Variants in RORC observed in about 807,000 individuals in gnomAD.
The protein encoded by RORC is RAR related orphan receptor C.
RORC carries 13 observed loss-of-function variants against 64.5 expected under a neutral mutation model. The ratio of observed to expected loss-of-function variants is 0.20; its 90% CI spans 0.13 to 0.32. The LOEUF (loss-of-function observed/expected upper bound fraction) is 0.32. Among genes scored for constraint, RORC ranks in the 10% least tolerant of loss-of-function variants. RORC has a pLI of 1.00. For missense variants in RORC, 468 were observed against 669.5 expected, an observed-to-expected ratio of 0.70 and a Z score of 3.32; for synonymous variants, 277 against 259.3, an observed-to-expected ratio of 1.07 and a Z score of -0.65.
intron 4 of RORC, among the ~76,000 whole-genome samples, chr1:151,815,954 C>T (rs560646877): frequency 1.3e-5 from 2 of 152,350 alleles, no homozygotes; most frequent in South Asian, 2.1e-4. Context: ...TTTTTACTCC[C>T]CCCGCCACCC....
chr1:151,812,830 T>C, intron 9 of RORC, 117 bp downstream of exon 9: 1 of 652,172 alleles, frequency 1.5e-6, no homozygotes, highest in Admixed American at 2.8e-5. Context: ...TAGGGCTCAT[T>C]CTGCTATTTA....
At chr1:151,817,514 C>T (rs113229369) in intron 2 of RORC, among the ~76,000 whole-genome samples, 217 of 152,148 alleles carry the variant, frequency 1.4e-3, no homozygotes, top group Non-Finnish European at 1.9e-3. Context: ...GAGGGGTGGC[C>T]GGGAGTTGTA....
intron 1 of RORC, chr1:151,831,232 TC>T: frequency 1.4e-6 from 1 of 695,804 alleles, no homozygotes. Context: ...CCTGCCACAC[TC>T]CCCAAGTCTG....
chr1:151,815,127 T>C lies in RORC; in HGVS notation c.597A>G (p.Ser199=). The change falls in exon 5 of 11, where the codon TCA becomes TCG. Residue 199 remains serine (S), a synonymous_variant. Coordinates refer to ENST00000318247, the MANE Select transcript of RORC (RefSeq NM_005060.4). ...GCTCAGGGCTGTATTCAAGGTGGCA[T>C]GAGGCCCCATTGAGCCCTGCCTTGG... ...NLAKAGLNGA[S]CHLEYSPERG... 1 of 1,614,164 alleles carries C rather than the reference T, an allele frequency of 6.2e-7. No homozygotes were observed. Among genetic ancestry groups the C allele is most frequent in the East Asian group, 2.2e-5 (1 of 44,890 alleles).
chr1:151,818,624 T>C (rs1343859458), intron 2 of RORC, among the ~76,000 whole-genome samples: 1 of 152,214 alleles, frequency 6.6e-6, no homozygotes, highest in Non-Finnish European at 1.5e-5. Context: ...CATGGGTCTC[T>C]TTTCCACCAT....
chr1:151,830,621 T>TACACACACACACACACACACACACAC lies in RORC; in HGVS notation c.40+1078_40+1103dup, dbSNP rs1553293049. ...TGCTGTTCAGTCTTGACACCTGACA[T>TACACACACACACACACACACACACAC]ACACACACACACACACACACACACA... On this transcript the variant is annotated intron_variant, in intron 1 of 10. Transcript: ENST00000318247. The surrounding 1 kb of genome is among the most constrained non-coding windows in gnomAD (Gnocchi z 4.0). Among the ~76,000 whole-genome samples, 37 of 57,192 alleles carry TACACACACACACACACACACACACAC rather than the reference T, an allele frequency of 6.5e-4. 1 individual carries two copies. In the East Asian group the frequency reaches 6.8e-3, roughly 10 times the overall value. 37.5% of individuals were successfully genotyped at this position (57,192 alleles called of 152,430 possible).
In RORC at chr1:151,830,781, G is replaced by A. The variant is rs1296645064; in HGVS notation, c.40+944C>T. 7 of 409,370 alleles carry A rather than the reference G, an allele frequency of 1.7e-5. No homozygotes were observed. Among genetic ancestry groups the A allele is most frequent in the Admixed American group, 1.1e-4 (3 of 27,648 alleles). The allele number at this position is 409,370 out of a possible 1,614,324, so 25.4% of individuals were successfully genotyped here. On this transcript the variant is annotated intron_variant, in intron 1 of 10. Coordinates refer to ENST00000318247, the MANE Select transcript of RORC (RefSeq NM_005060.4). The surrounding 1 kb of genome is among the most constrained non-coding windows in gnomAD (Gnocchi z 4.0). ...GTGAGGGAGGAGAAAAGACTGCCCCGAGGTGGCAAGGCCCCACCCAGCCCC... is the reference window on the plus strand; with the variant it reads ...GTGAGGGAGGAGAAAAGACTGCCCCAAGGTGGCAAGGCCCCACCCAGCCCC...
intron 10 of RORC, among the ~76,000 whole-genome samples, chr1:151,810,660 TAGCTGGGTCTACA>T (rs1384091545): frequency 1.3e-5 from 2 of 152,000 alleles, no homozygotes; most frequent in African/African-American, 2.4e-5. Flanking sequence ...GCCTCCCAAG[TAGCTGGGTCTACA>T]GGCGCCTGCC....
At chr1:151,831,313 C>T (rs1051955352) in intron 1 of RORC, among the ~76,000 whole-genome samples, 1 of 152,308 alleles carries the variant, frequency 6.6e-6, no homozygotes, top group Admixed American at 6.5e-5. Flanking sequence ...CTCCCGGCCA[C>T]TGCTGTCTGG....
rs1651378747 is a variant in RORC, at chr1:151,807,979, C to T, written c.1396-346G>A. 6.6e-6 allele frequency among the ~76,000 whole-genome samples: 1 copy of T among 152,180 alleles called. No individual in the cohort carries two copies. Among genetic ancestry groups the T allele is most frequent in the African/African-American group, 2.4e-5 (1 of 41,444 alleles). On this transcript the variant is annotated intron_variant, in intron 10 of 10. Transcript: ENST00000318247. The surrounding 1 kb of genome is among the most constrained non-coding windows in gnomAD (Gnocchi z 5.0). ...GTTGTATGCTGTCACATGCCTCTGC[C>T]TTTGTGCATGTTGTTCCCCTCTTCC...
rs200978456 is a variant in RORC at position 151,806,569 on chromosome 1, G to A, written c.*903C>T. The A allele has an allele frequency of 6.6e-6, 1 of 152,240 alleles. No homozygotes were observed. The highest frequency in any genetic ancestry group is 1.5e-5 in the Non-Finnish European group (1 of 68,044). The allele number at this position is 152,240 out of a possible 1,614,324, so 9.4% of individuals were successfully genotyped here. A position where few individuals can be genotyped will look rare whatever the true frequency, so the allele number is the denominator to read the frequency against. ...GGAAATGTTTGGGAGGGTCCCTCAG[G>A]ATTGGGACTTTCCCCTGAGGCCTCT... is the stretch of plus-strand genomic sequence containing the variant. On this transcript the variant is annotated 3_prime_UTR_variant, in exon 11 of 11. Transcript: ENST00000318247.
intron 2 of RORC, among the ~76,000 whole-genome samples, chr1:151,826,515 A>C (rs1032848869): frequency 2.6e-5 from 4 of 152,200 alleles, no homozygotes; most frequent in African/African-American, 7.2e-5. Context: ...GCCAACAGCC[A>C]TACCCAGTGT....
At chr1:151,814,797 C>A in intron 5 of RORC, 102 bp from the exon 6 acceptor site, 2 of 1,542,256 alleles carry the variant, frequency 1.3e-6, no homozygotes, top group African/African-American at 1.4e-5. Context: ...CGCCTCCTCC[C>A]TCCGCCCCTC....
At chr1:151,829,605 C>T (rs1652331115) in intron 1 of RORC, 147 bp from the exon 2 acceptor site, 4 of 628,936 alleles carry the variant, frequency 6.4e-6, no homozygotes, top group Non-Finnish European at 1.0e-5. Flanking sequence ...CTGCAGTGCC[C>T]CTCTCTCCTC....
chr1:151,807,689 A>T lies in RORC; in HGVS notation c.1396-56T>A. 1 of 1,580,424 alleles carries T rather than the reference A, an allele frequency of 6.3e-7. No individual in the cohort carries two copies. Among genetic ancestry groups the T allele is most frequent in the Non-Finnish European group, 8.7e-7 (1 of 1,156,022 alleles). On this transcript the variant is annotated intron_variant, in intron 10 of 10. Transcript: ENST00000318247. This position sits in a 1 kb window ranked among gnomAD's most constrained non-coding sequence, Gnocchi z 5.0. The stretch of plus-strand genomic sequence containing the variant: ...CAATACTTCAGCTCTCCTCAGAGCA[A>T]AGAAGTCCGCTCATTCTTCCTGGGC...
chr1:151,831,637 A>C, intron 1 of RORC, 88 bp downstream of exon 1: 1 of 1,601,986 alleles, frequency 6.2e-7, no homozygotes, highest in Admixed American at 1.7e-5. Flanking sequence ...TCCCCTCCTC[A>C]CTTCTTGCCC....
intron 2 of RORC, among the ~76,000 whole-genome samples, chr1:151,822,722 C>T (rs964664107): frequency 2.0e-5 from 3 of 152,222 alleles, no homozygotes; most frequent in Admixed American, 6.5e-5. Context: ...GGGTAGTGGA[C>T]CCAGAAAGAC....
chr1:151,824,697 T>G (rs1652122870), intron 2 of RORC, among the ~76,000 whole-genome samples: 1 of 152,226 alleles, frequency 6.6e-6, no homozygotes, highest in Non-Finnish European at 1.5e-5. Context: ...ATGCCTGCCT[T>G]AGGGCACTGG....
chr1:151,829,533 G>A lies in RORC; in HGVS notation c.41-75C>T, dbSNP rs1652328798. The A allele has an allele frequency of 2.3e-6, 3 of 1,314,902 alleles. No individual in the cohort carries two copies. The Admixed American group carries it at 8.8e-5, about 39-fold the overall frequency. 81.5% of individuals were successfully genotyped at this position (1,314,902 alleles called of 1,614,324 possible). On this transcript the variant is annotated intron_variant, in intron 1 of 10. Coordinates refer to ENST00000318247, the MANE Select transcript of RORC (RefSeq NM_005060.4). ...GGCTGAGACACTTTCCCCACTCCTAGGATCCCACTGCCGCACTCCTTCCCT... is the reference window on the plus strand; with the variant it reads ...GGCTGAGACACTTTCCCCACTCCTAAGATCCCACTGCCGCACTCCTTCCCT...
Sources: gnomAD v4.1 joint callset for allele counts (sites outside exome capture counted in the v4.1 genomes callset) on GRCh38, gnomAD v4.1.1 for gene constraint, Gnocchi (gnomAD v3.1) non-coding constraint, MANE v1.5 for transcripts, NCBI Gene and HGNC (gene_info 2026-07-23, HGNC 2026-07-21) for gene names.